LUZP2: variants seen among roughly 807,000 people sequenced by gnomAD.
The protein encoded by LUZP2 is leucine zipper protein 2.
LUZP2 carries 52 observed loss-of-function variants against 51.6 expected under a neutral mutation model. That is an observed-to-expected ratio of 1.01 (90% CI 0.81 to 1.27). The LOEUF is 1.27. Among genes scored for constraint, LUZP2 ranks in the 50% most tolerant of loss-of-function variants. LUZP2 has a pLI of 0.00. For missense variants in LUZP2, 436 were observed against 395.4 expected (o/e 1.10, Z -0.87); for synonymous variants, 154 against 137.3 (o/e 1.12, Z -0.85).
chr11:24,831,254 C>T (rs906251594), intron 5 of LUZP2, among the ~76,000 whole-genome samples: 4 of 152,184 alleles, frequency 2.6e-5, no homozygotes, highest in Admixed American at 1.3e-4. Context: ...CAATGTCTAG[C>T]TCATGATTTA....
chr11:24,860,483 A>C (rs1014494730), intron 5 of LUZP2, among the ~76,000 whole-genome samples: 1 of 152,142 alleles, frequency 6.6e-6, no homozygotes, highest in African/African-American at 2.4e-5. Context: ...CTGTGGCACC[A>C]AACTATGTGA....
In LUZP2 at chr11:24,763,234, A is replaced by G. The variant is rs377655475; in HGVS notation, c.334-12A>G. 1.5e-5 allele frequency: 19 copies of G among 1,278,970 alleles called. No individual in the cohort carries two copies. The African/African-American group carries it at 2.5e-4, about 17-fold the overall frequency. The allele number at this position is 1,278,970 out of a possible 1,614,324, so 79.2% of individuals were successfully genotyped here. On this transcript the variant is annotated splice_polypyrimidine_tract_variant and intron_variant, in intron 4 of 11. Transcript: ENST00000336930. ...TTGGAATGTGTCTACATAATAGTCTATTCATTTTCAGATTAATTTTTTAAA... is the reference window on the plus strand; with the variant it reads ...TTGGAATGTGTCTACATAATAGTCTGTTCATTTTCAGATTAATTTTTTAAA...
chr11:24,800,821 A>T (rs960116071), intron 5 of LUZP2, among the ~76,000 whole-genome samples: 1 of 152,054 alleles, frequency 6.6e-6, no homozygotes, highest in African/African-American at 2.4e-5. Flanking sequence ...TTTCCCTAGA[A>T]TTTTTTCTAA....
chr11:24,896,769 G>T (rs1853075538), intron 5 of LUZP2, among the ~76,000 whole-genome samples: 2 of 152,222 alleles, frequency 1.3e-5, no homozygotes, highest in Non-Finnish European at 2.9e-5. Flanking sequence ...CTTGAGTTGG[G>T]TGGGAACTTG....
At chr11:24,505,366 C>T (rs1029737624) in intron 1 of LUZP2, among the ~76,000 whole-genome samples, 10 of 152,072 alleles carry the variant, frequency 6.6e-5, no homozygotes, top group Non-Finnish European at 1.0e-4. Flanking sequence ...CAAGCTCAAA[C>T]GGAGACTCTG....
chr11:24,747,473 G>C (rs1419902640), intron 4 of LUZP2, among the ~76,000 whole-genome samples: 2 of 152,142 alleles, frequency 1.3e-5, no homozygotes, highest in African/African-American at 4.8e-5. Flanking sequence ...AATGCACTCT[G>C]TGAGGGTTCT....
chr11:24,520,737 G>T (rs892155708), intron 1 of LUZP2, among the ~76,000 whole-genome samples: 13 of 152,158 alleles, frequency 8.5e-5, no homozygotes, highest in Non-Finnish European at 1.5e-4. Context: ...CATTTAGATA[G>T]ATAATTGCCA....
intron 9 of LUZP2, among the ~76,000 whole-genome samples, chr11:25,010,015 T>C (rs1467144093): frequency 6.6e-6 from 1 of 152,166 alleles, no homozygotes; most frequent in Non-Finnish European, 1.5e-5. Context: ...ATACAGTAAA[T>C]TATGATTTTT....
At chr11:25,045,607 G>GA (rs1565276264) in intron 9 of LUZP2, among the ~76,000 whole-genome samples, 2 of 152,030 alleles carry the variant, frequency 1.3e-5, no homozygotes, top group Non-Finnish European at 2.9e-5. Context: ...ATTTGCATGA[G>GA]AAAACATAAT....
intron 1 of LUZP2, among the ~76,000 whole-genome samples, chr11:24,530,860 T>G (rs1369720639): frequency 6.7e-6 from 1 of 148,612 alleles, no homozygotes; most frequent in Non-Finnish European, 1.5e-5. Flanking sequence ...TTCTCTTGTT[T>G]CATTGCTGGT....
chr11:25,015,669 A>G (rs1857128342), intron 9 of LUZP2, among the ~76,000 whole-genome samples: 1 of 152,204 alleles, frequency 6.6e-6, no homozygotes, highest in South Asian at 2.1e-4. Context: ...GGTGTGGTAC[A>G]TTTGCCAACA....
chr11:24,763,230 G>A lies in LUZP2; in HGVS notation c.334-16G>A. ...GAGTTTGGAATGTGTCTACATAATA[G>A]TCTATTCATTTTCAGATTAATTTTT... On this transcript the variant is annotated splice_polypyrimidine_tract_variant and intron_variant, in intron 4 of 11. Coordinates refer to ENST00000336930, the MANE Select transcript of LUZP2 (RefSeq NM_001009909.4). 8.2e-7 allele frequency: 1 copy of A among 1,224,756 alleles called. No homozygotes were observed. Among genetic ancestry groups the A allele is most frequent in the Non-Finnish European group, 1.1e-6 (1 of 895,524 alleles). The allele number at this position is 1,224,756 out of a possible 1,614,324, so 75.9% of individuals were successfully genotyped here.
chr11:24,731,230 C>T (rs576168242), intron 2 of LUZP2, among the ~76,000 whole-genome samples: 31 of 151,736 alleles, frequency 2.0e-4, no homozygotes, highest in African/African-American at 6.7e-4. Flanking sequence ...CATGACTTTG[C>T]GTAGGTCTTT....
chr11:24,838,999 T>G (rs1478044320), intron 5 of LUZP2, among the ~76,000 whole-genome samples: 2 of 151,640 alleles, frequency 1.3e-5, no homozygotes, highest in Non-Finnish European at 3.0e-5. Flanking sequence ...TTCTAGGCAC[T>G]TTATACTTGG....
intron 9 of LUZP2, among the ~76,000 whole-genome samples, chr11:25,046,222 C>T (rs1858302026): frequency 5.5e-5 from 1 of 18,040 alleles, no homozygotes; most frequent in Non-Finnish European, 1.7e-4. Context: ...GAAAAGTAAT[C>T]CTCCAAAAAA....
At chr11:24,996,254 T>G in intron 9 of LUZP2, among the ~76,000 whole-genome samples, 1 of 151,652 alleles carries the variant, frequency 6.6e-6, no homozygotes, top group East Asian at 1.9e-4. Flanking sequence ...TTCATTGTTT[T>G]CTATTAAATA....
At chr11:24,631,240 T>A (rs576017565) in intron 1 of LUZP2, among the ~76,000 whole-genome samples, 1 of 151,874 alleles carries the variant, frequency 6.6e-6, no homozygotes, top group Non-Finnish European at 1.5e-5. Flanking sequence ...AAATGAGTGG[T>A]GAAAGTGGGC....
chr11:25,005,313 C>T (rs541270825), intron 9 of LUZP2, among the ~76,000 whole-genome samples: 1 of 152,276 alleles, frequency 6.6e-6, no homozygotes, highest in East Asian at 1.9e-4. Context: ...GCAAGCTTTG[C>T]ATAGTTGTGG....
chr11:24,526,655 T>G (rs1850815973), intron 1 of LUZP2, among the ~76,000 whole-genome samples: 1 of 151,438 alleles, frequency 6.6e-6, no homozygotes, highest in African/African-American at 2.4e-5. Context: ...TGCTAGTGCT[T>G]GACAGTTACT....
Sources: gnomAD v4.1 joint callset for allele counts (sites outside exome capture counted in the v4.1 genomes callset) on GRCh38, gnomAD v4.1.1 for gene constraint, MANE v1.5 for transcripts, NCBI Gene and HGNC (gene_info 2026-07-23, HGNC 2026-07-21) for gene names.